The following GPHN variants were observed in gnomAD, a reference collection of about 807,000 sequenced individuals.
The protein encoded by GPHN is gephyrin.
A neutral mutation model predicts 95.5 loss-of-function variants in GPHN; 17 were observed. That is an observed-to-expected ratio of 0.18 (90% CI 0.12 to 0.27). GPHN has a LOEUF of 0.27. Among genes scored for constraint, GPHN ranks in the 10% least tolerant of loss-of-function variants. The probability of loss-of-function intolerance (pLI) is 1.00; values close to 1 mark genes in which losing one functional copy is unlikely to be tolerated. For missense variants in GPHN, 660 were observed against 978.1 expected (o/e 0.67, Z 4.34); for synonymous variants, 320 against 322.5 (o/e 0.99, Z 0.08).
chr14:66,609,353 A>G (rs2062684726), intron 1 of GPHN, among the ~76,000 whole-genome samples: 1 of 152,068 alleles, frequency 6.6e-6, no homozygotes, highest in Non-Finnish European at 1.5e-5. Context: ...GACCTGACTC[A>G]TCTCTCTAGC....
chr14:67,354,465 C>G, the GPHN span, among the ~76,000 whole-genome samples: 1 of 152,018 alleles, frequency 6.6e-6, no homozygotes, highest in East Asian at 1.9e-4. Flanking sequence ...GGAATTTATC[C>G]TACAAATTTA....
At chr14:67,221,749 A>AT in the GPHN span, 3 of 1,611,588 alleles carry the variant, frequency 1.9e-6, no homozygotes, top group Admixed American at 5.0e-5. Context: ...ATGCTGGCAA[A>AT]TTTTTGAGAT....
At chr14:67,496,097 G>A in the GPHN span, among the ~76,000 whole-genome samples, 1 of 152,258 alleles carries the variant, frequency 6.6e-6, no homozygotes, top group Non-Finnish European at 1.5e-5. Flanking sequence ...ACTGAGGTGG[G>A]AGGATTGCTT....
chr14:67,130,971 A>G (rs1401814380), intron 17 of GPHN, among the ~76,000 whole-genome samples: 2 of 152,138 alleles, frequency 1.3e-5, no homozygotes, highest in African/African-American at 2.4e-5. Context: ...ATCTACCTTA[A>G]ATATGGAACA....
intron 5 of GPHN, among the ~76,000 whole-genome samples, chr14:66,908,645 T>G (rs565639269): frequency 7.3e-4 from 111 of 152,010 alleles, no homozygotes; most frequent in Non-Finnish European, 1.3e-3. Context: ...AAGAGTAACT[T>G]TGCTATGGGG....
At chr14:67,465,953 A>G in the GPHN span, among the ~76,000 whole-genome samples, 2 of 152,160 alleles carry the variant, frequency 1.3e-5, no homozygotes, top group African/African-American at 4.8e-5. Flanking sequence ...GCCACCAGAG[A>G]CTGGAAGAGG....
At chr14:67,681,539 T>C in the GPHN span, among the ~76,000 whole-genome samples, 1 of 152,084 alleles carries the variant, frequency 6.6e-6, no homozygotes, top group Non-Finnish European at 1.5e-5. Context: ...TCCCAGCACT[T>C]TGGGAGGCCG....
intron 13 of GPHN, among the ~76,000 whole-genome samples, chr14:67,102,752 TC>T (rs1192583001): frequency 6.6e-6 from 1 of 152,238 alleles, no homozygotes; most frequent in Non-Finnish European, 1.5e-5. Context: ...AACGCTATGT[TC>T]CATGCCTTTC....
intron 5 of GPHN, among the ~76,000 whole-genome samples, chr14:66,907,659 G>A (rs939748273): frequency 4.6e-5 from 7 of 152,168 alleles, no homozygotes; most frequent in African/African-American, 9.6e-5. Flanking sequence ...TCATGGAAGC[G>A]GGTGGAGGGG....
At chr14:66,799,126 A>G (rs2060258593) in intron 3 of GPHN, among the ~76,000 whole-genome samples, 1 of 151,714 alleles carries the variant, frequency 6.6e-6, no homozygotes, top group Non-Finnish European at 1.5e-5. Context: ...ATAGTTTCCA[A>G]AATTCCTCTT....
intron 1 of GPHN, among the ~76,000 whole-genome samples, chr14:66,525,539 T>C (rs1300472328): frequency 1.3e-5 from 2 of 152,228 alleles, no homozygotes; most frequent in Non-Finnish European, 2.9e-5. Context: ...GCCATTGCTT[T>C]TGGTGTTTTA....
At chr14:66,900,949 T>A (rs2065098938) in intron 5 of GPHN, among the ~76,000 whole-genome samples, 1 of 152,192 alleles carries the variant, frequency 6.6e-6, no homozygotes, top group East Asian at 1.9e-4. Context: ...TTTCTAGTTT[T>A]ATGAGGAAAT....
intron 1 of GPHN, among the ~76,000 whole-genome samples, chr14:66,545,088 G>A (rs2059493284): frequency 6.6e-6 from 1 of 152,218 alleles, no homozygotes; most frequent in Non-Finnish European, 1.5e-5. Flanking sequence ...TCAATGAGCT[G>A]CCGGGCACAC....
At chr14:66,952,155 T>C (rs28817965) in intron 8 of GPHN, among the ~76,000 whole-genome samples, 49,641 of 151,532 alleles carry the variant, frequency 0.33, 12,887 homozygotes, top group African/African-American at 0.71. Context: ...TCACCACCGC[T>C]CCCAAAAAAA....
chr14:67,630,841 C>T, the GPHN span, among the ~76,000 whole-genome samples: 1 of 152,154 alleles, frequency 6.6e-6, no homozygotes, highest in Admixed American at 6.5e-5. Flanking sequence ...CCTTGGCCTC[C>T]CAAAGTGCTG....
chr14:67,233,789 A>G, the GPHN span, among the ~76,000 whole-genome samples: 7 of 152,218 alleles, frequency 4.6e-5, no homozygotes, highest in Admixed American at 1.3e-4. Context: ...GTGCCATGTG[A>G]AAGAACACCT....
the GPHN span, chr14:67,585,557 T>G: frequency 6.4e-7 from 1 of 1,561,612 alleles, no homozygotes; most frequent in Non-Finnish European, 8.7e-7. Context: ...GGGTTGTTTC[T>G]GTTTCCCCAG....
At chr14:67,203,261 A>C in the GPHN span, 1 of 1,603,364 alleles carries the variant, frequency 6.2e-7, no homozygotes, top group Non-Finnish European at 8.5e-7. Flanking sequence ...GTCTCCTGAC[A>C]TCTCCTCCTG....
chr14:67,036,463 T>C (rs1218889942), intron 10 of GPHN, among the ~76,000 whole-genome samples: 1 of 147,172 alleles, frequency 6.8e-6, no homozygotes, highest in Admixed American at 6.8e-5. Flanking sequence ...CATGATCTTA[T>C]GTAGAAAACT....
Sources: gnomAD v4.1 joint callset for allele counts (sites outside exome capture counted in the v4.1 genomes callset) on GRCh38, gnomAD v4.1.1 for gene constraint, MANE v1.5 for transcripts, NCBI Gene and HGNC (gene_info 2026-07-23, HGNC 2026-07-21) for gene names.